Variants in CDH18 observed in about 807,000 individuals in gnomAD.
CDH18 encodes the protein cadherin 18.
Under a neutral mutation model 67.9 loss-of-function variants are expected in CDH18, and 31 were observed. The ratio of observed to expected loss-of-function variants is 0.46; its 90% confidence interval spans 0.34 to 0.62. CDH18 has a LOEUF of 0.62. CDH18 is among the 20% of genes least tolerant of loss of function. CDH18 has a pLI of 0.01. For missense variants in CDH18, 890 were observed against 975.5 expected, an observed-to-expected ratio of 0.91 and a Z score of 1.17; for synonymous variants, 362 against 347.2, an observed-to-expected ratio of 1.04 and a Z score of -0.48.
intron 2 of CDH18, among the ~76,000 whole-genome samples, chr5:20,125,350 G>GA (rs1488556359): frequency 6.6e-6 from 1 of 151,838 alleles, no homozygotes; most frequent in Non-Finnish European, 1.5e-5. Flanking sequence ...TTGAATGTGT[G>GA]AAAAAATTTT....
At chr5:19,756,045 C>A (rs1483220039) in intron 3 of CDH18, among the ~76,000 whole-genome samples, 1 of 152,044 alleles carries the variant, frequency 6.6e-6, no homozygotes, top group East Asian at 1.9e-4. Context: ...CAAGTTGAAC[C>A]CACACACATC....
chr5:20,456,438 T>C, intron 1 of CDH18, among the ~76,000 whole-genome samples: 1 of 152,156 alleles, frequency 6.6e-6, no homozygotes, highest in East Asian at 1.9e-4. Flanking sequence ...ATGCTTTCCA[T>C]GGCAGACTGT....
chr5:20,221,609 AAG>A (rs1457506574), intron 2 of CDH18, among the ~76,000 whole-genome samples: 1 of 152,060 alleles, frequency 6.6e-6, no homozygotes, highest in Non-Finnish European at 1.5e-5. Context: ...AAATAACTAA[AAG>A]AGAATATTTG....
chr5:20,339,858 A>G (rs973323363), intron 1 of CDH18, among the ~76,000 whole-genome samples: 1 of 152,174 alleles, frequency 6.6e-6, no homozygotes, highest in African/African-American at 2.4e-5. Flanking sequence ...CTTGAATCAA[A>G]CCCTGACTGC....
intron 6 of CDH18, among the ~76,000 whole-genome samples, chr5:19,608,512 C>G (rs186209401): frequency 3.3e-5 from 5 of 151,196 alleles, no homozygotes; most frequent in East Asian, 1.9e-4. Context: ...GCTCCCCCCC[C>G]AAAAAAAATC....
At chr5:19,708,828 G>T (rs1764299679) in intron 5 of CDH18, among the ~76,000 whole-genome samples, 1 of 152,074 alleles carries the variant, frequency 6.6e-6, no homozygotes, top group Non-Finnish European at 1.5e-5. Context: ...GCAGCTCTCA[G>T]CTCTGAAGGC....
At chr5:20,067,484 T>G (rs1743078747) in intron 2 of CDH18, among the ~76,000 whole-genome samples, 1 of 152,132 alleles carries the variant, frequency 6.6e-6, no homozygotes, top group African/African-American at 2.4e-5. Flanking sequence ...ACCATCCATA[T>G]GTCATAATAC....
intron 2 of CDH18, among the ~76,000 whole-genome samples, chr5:20,179,441 CTTAG>C (rs1737508464): frequency 6.6e-6 from 1 of 152,142 alleles, no homozygotes; most frequent in African/African-American, 2.4e-5. Context: ...CTGCGAAGTA[CTTAG>C]TTTGTTTTCA....
chr5:20,138,515 A>G (rs1749944965), intron 2 of CDH18, among the ~76,000 whole-genome samples: 1 of 152,170 alleles, frequency 6.6e-6, no homozygotes, highest in East Asian at 1.9e-4. Context: ...GGAAAAGAGG[A>G]AGTCAAATCT....
chr5:19,873,424 T>C (rs910344307), intron 2 of CDH18, among the ~76,000 whole-genome samples: 1 of 152,028 alleles, frequency 6.6e-6, no homozygotes, highest in Non-Finnish European at 1.5e-5. Context: ...GTGTTAACCA[T>C]ACCATAAAAT....
At position 19,555,352 on chromosome 5, in the gene CDH18, C is replaced by T. The variant is rs1738201361; in HGVS notation, c.1254-11347G>A. 2.6e-5 allele frequency among the ~76,000 whole-genome samples: 4 copies of T among 152,152 alleles called. No individual in the cohort carries two copies. The South Asian group carries it at 8.3e-4, about 31-fold the overall frequency. On this transcript the variant is annotated intron_variant, in intron 8 of 12. Coordinates refer to ENST00000382275, the MANE Select transcript of CDH18 (RefSeq NM_004934.5). The stretch of plus-strand genomic sequence containing the variant: ...ATTGTGAGTTGGCTTGCTTTCTCAG[C>T]TGGGAGGCTTGTAGTCTGGGGCAAG...
At chr5:20,389,719 G>A (rs9716232) in intron 1 of CDH18, among the ~76,000 whole-genome samples, 28,869 of 151,908 alleles carry the variant, frequency 0.19, 3,022 homozygotes, top group African/African-American at 0.25. Context: ...GAGGCATCAC[G>A]CTACCTGACT....
At chr5:19,602,689 C>T (rs551054191) in intron 6 of CDH18, among the ~76,000 whole-genome samples, 17 of 152,066 alleles carry the variant, frequency 1.1e-4, no homozygotes, top group South Asian at 6.2e-4. Context: ...CATGGCAGGG[C>T]GTGGTGGCTC....
intron 2 of CDH18, among the ~76,000 whole-genome samples, chr5:20,101,389 A>C (rs944934208): frequency 2.6e-5 from 4 of 152,220 alleles, no homozygotes; most frequent in Admixed American, 2.0e-4. Flanking sequence ...GATTTCATGT[A>C]ATGTAAAAAA....
chr5:19,618,112 A>C (rs1580522902), intron 5 of CDH18, among the ~76,000 whole-genome samples: 1 of 152,188 alleles, frequency 6.6e-6, no homozygotes, highest in East Asian at 1.9e-4. Flanking sequence ...TTAAATTCTT[A>C]CAAAAACCTC....
chr5:19,542,043 C>T (rs1432014820), intron 9 of CDH18, among the ~76,000 whole-genome samples: 1 of 151,988 alleles, frequency 6.6e-6, no homozygotes, highest in African/African-American at 2.4e-5. Context: ...TTTAGAGAAC[C>T]CCTTTAAAAG....
At chr5:20,468,685 T>C (rs1751837983) in intron 1 of CDH18, among the ~76,000 whole-genome samples, 1 of 152,222 alleles carries the variant, frequency 6.6e-6, no homozygotes. Flanking sequence ...TTTCATAGAA[T>C]ACTGGCTTTT....
chr5:20,544,225 A>C (rs538399381), intron 1 of CDH18, among the ~76,000 whole-genome samples: 25 of 152,202 alleles, frequency 1.6e-4, no homozygotes, highest in African/African-American at 5.8e-4. Flanking sequence ...AAATATTCAC[A>C]AGCATACCTC....
At position 19,593,657 on chromosome 5, in the gene CDH18, T is replaced by A. The variant is rs1027393232; in HGVS notation, c.812-2413A>T. ...CTTCTCCTCCTTCACCCACTCCCCC[T>A]CCCCTTCTACCTCCTTCTTCCTCCT... is the stretch of plus-strand genomic sequence containing the variant. On this transcript the variant is annotated intron_variant, in intron 6 of 12. Transcript: ENST00000382275. 2.9e-4 allele frequency among the ~76,000 whole-genome samples: 20 copies of A among 68,384 alleles called. 1 individual carries two copies. The highest frequency in any genetic ancestry group is 1.3e-3 in the African/African-American group (20 of 15,886). 44.9% of individuals were successfully genotyped at this position (68,384 alleles called of 152,430 possible). A position where few individuals can be genotyped will look rare whatever the true frequency, so the allele number is the denominator to read the frequency against.
Sources: gnomAD v4.1 joint callset for allele counts (sites outside exome capture counted in the v4.1 genomes callset) on GRCh38, gnomAD v4.1.1 for gene constraint, MANE v1.5 for transcripts, NCBI Gene and HGNC (gene_info 2026-07-23, HGNC 2026-07-21) for gene names.